SPINDOC: variants seen among roughly 807,000 people sequenced by gnomAD.
SPINDOC encodes the protein spindlin interactor and repressor of chromatin-binding protein.
Under a neutral mutation model 30.7 loss-of-function variants are expected in SPINDOC, and 13 were observed. That is an observed-to-expected ratio of 0.42 (90% CI 0.28 to 0.67). SPINDOC has a LOEUF of 0.67. SPINDOC is among the 30% of genes least tolerant of loss of function. The pLI is 0.22. For synonymous variants in SPINDOC, 228 were observed against 211.4 expected, an observed-to-expected ratio of 1.08 and a Z score of -0.68; for missense variants, 438 against 518.0, an observed-to-expected ratio of 0.85 and a Z score of 1.50.
At chr11:63,820,210 C>T (rs1435772369) in intron 5 of SPINDOC, among the ~76,000 whole-genome samples, 5 of 151,142 alleles carry the variant, frequency 3.3e-5, no homozygotes, top group African/African-American at 4.9e-5. Flanking sequence ...CCAACCTGGC[C>T]GATATGGCGA....
At chr11:63,824,507 T>C (rs1183697762) in intron 5 of SPINDOC, among the ~76,000 whole-genome samples, 1 of 152,098 alleles carries the variant, frequency 6.6e-6, no homozygotes, top group African/African-American at 2.4e-5. Context: ...TAGGCCCGGC[T>C]TATGTGTTTG....
At chr11:63,823,211 A>G in intron 5 of SPINDOC, 1 of 1,288,944 alleles carries the variant, frequency 7.8e-7, no homozygotes, top group Non-Finnish European at 1.0e-6. Context: ...GAGGCTCTGG[A>G]CCTGTGGTTT....
chr11:63,815,782 T>C (rs1243246010), intron 1 of SPINDOC, among the ~76,000 whole-genome samples: 2 of 152,104 alleles, frequency 1.3e-5, no homozygotes, highest in African/African-American at 4.8e-5. Context: ...TTTTTTTTTT[T>C]TTGAGACGGA....
At position 63,818,583 on chromosome 11, in the gene SPINDOC, C is replaced by G. The variant is rs1294300821; in HGVS notation, c.664C>G (p.Pro222Ala). The change falls in exon 4 of 6, where the codon CCC becomes GCC. Residue 222 changes from proline to alanine, a missense_variant. This residue lies in a region of SPINDOC where 300 missense variants were observed against 332.8 expected (regional missense o/e 0.90). Transcript: ENST00000294244. This position sits in a 1 kb window ranked among gnomAD's most constrained non-coding sequence, Gnocchi z 5.3. The part of the protein sequence containing the change: ...KKPRGQRWKE[P>A]PGEEPVRKKR... Reference sequence around the variant, plus strand: ...GCCCCGTGGTCAGAGATGGAAGGAACCCCCAGGGGAAGAGCCAGTCAGAAA... The same window carrying G: ...GCCCCGTGGTCAGAGATGGAAGGAAGCCCCAGGGGAAGAGCCAGTCAGAAA... 1.2e-6 allele frequency: 2 copies of G among 1,613,666 alleles called. No individual in the cohort carries two copies. Among genetic ancestry groups the G allele is most frequent in the South Asian group, 2.2e-5 (2 of 91,068 alleles).
Position 63,817,886 on chromosome 11 carries a change from A to G in SPINDOC, c.209A>G (p.Gln70Arg). ...GSDGCEEPKQ[Q>R]VSWEQEFLVG... ...GATGGCTGTGAGGAGCCGAAGCAGC[A>G]GGTGTCTTGGGAGCAGGAGTTCCTG... is the stretch of plus-strand genomic sequence containing the variant. The change falls in exon 2 of 6, where the codon CAG (glutamine) becomes CGG (arginine). Residue 70 changes from glutamine (Q) to arginine (R), a missense_variant. Physicochemically the swap from Gln to Arg is conservative, Grantham distance 43 (BLOSUM62 1). Coordinates refer to ENST00000294244, the MANE Select transcript of SPINDOC (RefSeq NM_138471.3). 6.2e-7 allele frequency: 1 copy of G among 1,613,410 alleles called. No homozygotes were observed. Among genetic ancestry groups the G allele is most frequent in the Middle Eastern group, 1.7e-4 (1 of 6,060 alleles).
Position 63,818,187 on chromosome 11 carries a change from G to C in SPINDOC, c.458-29G>C. 1 of 1,613,552 alleles carries C rather than the reference G, an allele frequency of 6.2e-7. No individual in the cohort carries two copies. Among genetic ancestry groups the C allele is most frequent in the Non-Finnish European group, 8.5e-7 (1 of 1,179,554 alleles). On this transcript the variant is annotated intron_variant, in intron 2 of 5. Coordinates refer to ENST00000294244, the MANE Select transcript of SPINDOC (RefSeq NM_138471.3). This position sits in a 1 kb window ranked among gnomAD's most constrained non-coding sequence, Gnocchi z 5.3. ...AGAAGTCGGACTTGTTGGGGCACTAGAAGCTCATTGTGCTCTTGCTCCCTG... is the reference window on the plus strand; with the variant it reads ...AGAAGTCGGACTTGTTGGGGCACTACAAGCTCATTGTGCTCTTGCTCCCTG...
intron 5 of SPINDOC, among the ~76,000 whole-genome samples, chr11:63,824,165 C>T (rs2015598185): frequency 6.6e-6 from 1 of 152,114 alleles, no homozygotes; most frequent in Non-Finnish European, 1.5e-5. Context: ...CCACCTCGGC[C>T]TCCCAAAGTG....
At chr11:63,822,049 A>G (rs1372860851) in intron 5 of SPINDOC, among the ~76,000 whole-genome samples, 2 of 152,172 alleles carry the variant, frequency 1.3e-5, no homozygotes, top group African/African-American at 4.8e-5. Flanking sequence ...GCATAAAGAA[A>G]AAAGCCTTGG....
rs79647066 is a variant in SPINDOC, at chr11:63,824,685, G to A, written c.935-2243G>A. On this transcript the variant is annotated intron_variant, in intron 5 of 5. Transcript: ENST00000294244. ...CCTCTTTTCCAGTTGCCCAGGTGGC[G>A]TCTCTACATGGGTGTCTAAAAGATC... Among the ~76,000 whole-genome samples the A allele has an allele frequency of 1.4e-4, 21 of 151,346 alleles. 1 individual carries two copies. In the East Asian group the frequency reaches 3.7e-3, roughly 27 times the overall value.
intron 5 of SPINDOC, chr11:63,823,040 G>A: frequency 9.4e-7 from 1 of 1,065,294 alleles, no homozygotes; most frequent in Admixed American, 2.3e-5. Flanking sequence ...ATACCTCACT[G>A]GTACACAAGT....
intron 5 of SPINDOC, among the ~76,000 whole-genome samples, chr11:63,826,427 G>C (rs2015656560): frequency 6.6e-6 from 1 of 152,164 alleles, no homozygotes; most frequent in South Asian, 2.1e-4. Flanking sequence ...AGGAGATAAA[G>C]AGCCTGGTGG....
chr11:63,818,917 G>C lies in SPINDOC; in HGVS notation c.849G>C (p.Gln283His), dbSNP rs149061077. 609 of 1,614,174 alleles carry C rather than the reference G, an allele frequency of 3.8e-4. 3 individuals are homozygous for C. In the African/African-American group the frequency reaches 7.6e-3, roughly 20 times the overall value. The change falls in exon 5 of 6, where the codon CAG (glutamine) becomes CAC (histidine). Residue 283 changes from glutamine to histidine, a missense_variant. Coordinates refer to ENST00000294244, the MANE Select transcript of SPINDOC (RefSeq NM_138471.3). This position sits in a 1 kb window ranked among gnomAD's most constrained non-coding sequence, Gnocchi z 5.3. ...GFVLQLFSHT[Q>H]LRGPDSKDSP... Reference sequence around the variant, plus strand: ...TCTTGCAGCTCTTCTCCCACACCCAGCTCAGGGGCCCAGACAGCAAGGACT... The same window carrying C: ...TCTTGCAGCTCTTCTCCCACACCCACCTCAGGGGCCCAGACAGCAAGGACT...
chr11:63,826,853 G>A (rs1038600277), intron 5 of SPINDOC, 75 bp from the exon 6 acceptor site: 12 of 749,596 alleles, frequency 1.6e-5, no homozygotes, highest in African/African-American at 6.9e-5. Context: ...TACAGTTTGC[G>A]GAGCTTCCAG....
intron 1 of SPINDOC, 75 bp downstream of exon 1, chr11:63,813,888 T>C: frequency 7.1e-7 from 1 of 1,407,954 alleles, no homozygotes; most frequent in South Asian, 1.5e-5. Flanking sequence ...CCAGTCGGGG[T>C]CCGGGACCCG....
At position 63,826,923 on chromosome 11, in the gene SPINDOC, C is replaced by A; in HGVS notation, c.935-5C>A. On this transcript the variant is annotated splice_polypyrimidine_tract_variant and splice_region_variant and intron_variant, in intron 5 of 5. Transcript: ENST00000294244. ...TGACTGCTCTCTGCTCTCATCCCTG[C>A]CCAGCTCCCCCTCCGGGGCTCCGCG... The A allele has an allele frequency of 6.9e-7, 1 of 1,441,674 alleles. No homozygotes were observed. The highest frequency in any genetic ancestry group is 9.7e-7 in the Non-Finnish European group (1 of 1,026,414). 89.3% of individuals were successfully genotyped at this position (1,441,674 alleles called of 1,614,324 possible). A position where few individuals can be genotyped will look rare whatever the true frequency, so the allele number is the denominator to read the frequency against.
intron 1 of SPINDOC, among the ~76,000 whole-genome samples, chr11:63,816,754 T>G (rs2015350969): frequency 6.6e-6 from 1 of 152,180 alleles, no homozygotes; most frequent in Non-Finnish European, 1.5e-5. Flanking sequence ...GGTGATGCCC[T>G]GTGAAAGCTT....
intron 5 of SPINDOC, 82 bp downstream of exon 5, chr11:63,819,084 GCAGAGCCCACAGTA>G: frequency 1.9e-6 from 1 of 540,094 alleles, no homozygotes; most frequent in South Asian, 1.6e-5. Context: ...CTGCTCTATG[GCAGAGCCCACAGTA>G]GGGGTGGGTG....
In SPINDOC at chr11:63,813,596, A is replaced by C. The variant is rs1354946455; in HGVS notation, c.-91A>C. On this transcript the variant is annotated 5_prime_UTR_variant, in exon 1 of 6. Transcript: ENST00000294244. ...CGGGGCGGGCGGCGGGCCCGGCGCT[A>C]TTCCGGCCAGGAGGCGGGAGGCGGT... 2.4e-6 allele frequency: 3 copies of C among 1,247,756 alleles called. No homozygotes were observed. Among genetic ancestry groups the C allele is most frequent in the South Asian group, 1.8e-5 (1 of 56,852 alleles). The allele number at this position is 1,247,756 out of a possible 1,614,324, so 77.3% of individuals were successfully genotyped here.
At chr11:63,823,069 C>T (rs553093870) in intron 5 of SPINDOC, 39 of 1,189,202 alleles carry the variant, frequency 3.3e-5, no homozygotes, top group South Asian at 3.8e-5. Flanking sequence ...AGCCTGTGCC[C>T]GAGGGAGGCA....
Sources: allele counts gnomAD v4.1 joint callset (sites outside exome capture counted in the v4.1 genomes callset), GRCh38; gene constraint gnomAD v4.1.1; regional missense constraint gnomAD v4.1.1; non-coding constraint Gnocchi (gnomAD v3.1); transcripts MANE v1.5; gene names NCBI Gene and HGNC (gene_info 2026-07-23, HGNC 2026-07-21).